Variants in FOXP1 observed in about 807,000 individuals in gnomAD.
FOXP1 encodes forkhead box protein P1.
A neutral mutation model predicts 98.2 loss-of-function variants in FOXP1; 15 were observed. The ratio of observed to expected loss-of-function variants is 0.15; its 90% confidence interval spans 0.10 to 0.24. The LOEUF (loss-of-function observed/expected upper bound fraction) is 0.24. FOXP1 is among the 10% of genes least tolerant of loss of function. The pLI is 1.00. For missense variants in FOXP1, 633 were observed against 848.5 expected (o/e 0.75, Z 3.15); for synonymous variants, 371 against 314.5 (o/e 1.18, Z -1.90).
intron 11 of FOXP1, among the ~76,000 whole-genome samples, chr3:71,018,216 A>T (rs1164493707): frequency 3.3e-5 from 5 of 152,204 alleles, no homozygotes; most frequent in African/African-American, 4.8e-5. Context: ...GAATAAAACT[A>T]TTCACATCTA....
chr3:71,256,531 C>T (rs991893560), intron 5 of FOXP1, among the ~76,000 whole-genome samples: 2 of 152,074 alleles, frequency 1.3e-5, no homozygotes, highest in African/African-American at 4.8e-5. Flanking sequence ...CTACAGGTGC[C>T]CACTATCACA....
chr3:71,088,377 G>A (rs1324762756), intron 7 of FOXP1, among the ~76,000 whole-genome samples: 1 of 150,672 alleles, frequency 6.6e-6, no homozygotes, highest in African/African-American at 2.4e-5. Context: ...CACAACATGT[G>A]GTGATACATT....
At chr3:70,965,838 C>T (rs2107009017) in intron 20 of FOXP1, 52 bp downstream of exon 20, 1 of 1,548,672 alleles carries the variant, frequency 6.5e-7, no homozygotes. Context: ...CTGCGTGTAC[C>T]TAGGGAGACT....
chr3:71,559,800 T>C (rs1383762252), intron 2 of FOXP1, among the ~76,000 whole-genome samples: 1 of 152,060 alleles, frequency 6.6e-6, no homozygotes, highest in Non-Finnish European at 1.5e-5. Flanking sequence ...TGAGCCGTGA[T>C]TGCATCACTG....
chr3:71,083,338 C>A (rs113206249), intron 7 of FOXP1, among the ~76,000 whole-genome samples: 1 of 152,080 alleles, frequency 6.6e-6, no homozygotes, highest in South Asian at 2.1e-4. Flanking sequence ...GAGGCCTCCC[C>A]GGAAGCTCAG....
chr3:71,500,795 A>C (rs1342645604), intron 2 of FOXP1, among the ~76,000 whole-genome samples: 1 of 151,990 alleles, frequency 6.6e-6, no homozygotes, highest in Non-Finnish European at 1.5e-5. Context: ...AAGTACCATC[A>C]CCTTCCTCCA....
intron 5 of FOXP1, among the ~76,000 whole-genome samples, chr3:71,265,387 C>T (rs2107230497): frequency 6.6e-6 from 1 of 152,284 alleles, no homozygotes; most frequent in Non-Finnish European, 1.5e-5. Flanking sequence ...TAAAGAATGG[C>T]TCCTAGTTCC....
intron 3 of FOXP1, among the ~76,000 whole-genome samples, chr3:71,475,903 GA>G (rs11329852): frequency 0.43 from 58,921 of 135,524 alleles, 13,460 homozygotes; most frequent in Middle Eastern, 0.63. Context: ...CTCTTCAAGG[GA>G]AAAAAAAAAA....
chr3:71,140,146 A>G lies in FOXP1; in HGVS notation c.181-27509T>C, dbSNP rs935606045. Among the ~76,000 whole-genome samples the G allele has an allele frequency of 2.6e-5, 4 of 152,312 alleles. No homozygotes were observed. The South Asian group carries it at 6.2e-4, about 24-fold the overall frequency. ...TCCTTATCCAAAATGATTGGGATCAATGATTTCAGATTTTTTAGGATCTTG... is the reference window on the plus strand; with the variant it reads ...TCCTTATCCAAAATGATTGGGATCAGTGATTTCAGATTTTTTAGGATCTTG... On this transcript the variant is annotated intron_variant, in intron 6 of 20. Coordinates refer to ENST00000649528, the MANE Select transcript of FOXP1 (RefSeq NM_001349338.3).
At chr3:71,027,586 A>G (rs1409966218) in intron 11 of FOXP1, among the ~76,000 whole-genome samples, 1 of 152,156 alleles carries the variant, frequency 6.6e-6, no homozygotes, top group Admixed American at 6.5e-5. Context: ...TTAAACACCT[A>G]CTTTGTGATA....
intron 2 of FOXP1, among the ~76,000 whole-genome samples, chr3:71,535,230 T>C (rs550297703): frequency 6.6e-6 from 1 of 152,300 alleles, no homozygotes. Context: ...AAGGATATTT[T>C]AACCATAAGC....
intron 5 of FOXP1, among the ~76,000 whole-genome samples, chr3:71,235,423 C>T (rs1047819478): frequency 6.6e-6 from 1 of 152,178 alleles, no homozygotes; most frequent in Non-Finnish European, 1.5e-5. Context: ...ACCATTGAAT[C>T]TTGACATCTT....
intron 14 of FOXP1, among the ~76,000 whole-genome samples, chr3:70,984,396 T>C (rs180921161): frequency 6.6e-6 from 1 of 152,228 alleles, no homozygotes; most frequent in East Asian, 1.9e-4. Context: ...AGACATCATT[T>C]CTCCCAGCAA....
chr3:71,052,409 T>G (rs901233335), intron 9 of FOXP1, 128 bp downstream of exon 9: 1 of 733,474 alleles, frequency 1.4e-6, no homozygotes, highest in African/African-American at 1.7e-5. Context: ...TAATTCTCAG[T>G]CTGAAAGCTG....
At chr3:71,506,988 C>T (rs945884955) in intron 2 of FOXP1, among the ~76,000 whole-genome samples, 21 of 152,294 alleles carry the variant, frequency 1.4e-4, no homozygotes, top group Admixed American at 1.3e-3. Flanking sequence ...CAACCAGCAA[C>T]GGCTCCACAC....
chr3:71,060,891 T>A (rs1379369023), intron 7 of FOXP1, among the ~76,000 whole-genome samples: 1 of 152,200 alleles, frequency 6.6e-6, no homozygotes, highest in Non-Finnish European at 1.5e-5. Flanking sequence ...TTAACCGGAT[T>A]TGAAAATGAG....
intron 3 of FOXP1, among the ~76,000 whole-genome samples, chr3:71,436,010 G>A (rs1395191477): frequency 1.3e-5 from 2 of 150,156 alleles, no homozygotes; most frequent in Non-Finnish European, 3.0e-5. Flanking sequence ...ATAGAAGGAA[G>A]AAAGGAAGAA....
intron 7 of FOXP1, among the ~76,000 whole-genome samples, chr3:71,109,024 T>TTGTATCA (rs1388926609): frequency 6.6e-6 from 1 of 152,220 alleles, no homozygotes; most frequent in African/African-American, 2.4e-5. Flanking sequence ...CATAAAAAAA[T>TTGTATCA]TTGCGAAGCA....
intron 6 of FOXP1, among the ~76,000 whole-genome samples, chr3:71,178,594 C>T (rs950370441): frequency 6.6e-6 from 1 of 151,576 alleles, no homozygotes; most frequent in Non-Finnish European, 1.5e-5. Context: ...ACTAAAAATA[C>T]AAAAATTGGC....
Sources: gnomAD v4.1 joint callset for allele counts (sites outside exome capture counted in the v4.1 genomes callset) on GRCh38, gnomAD v4.1.1 for gene constraint, MANE v1.5 for transcripts, NCBI Gene and HGNC (gene_info 2026-07-23, HGNC 2026-07-21) for gene names.